Variants in UPRT observed in about 807,000 individuals in gnomAD.
The protein encoded by UPRT is RP11-311P8.3.
A neutral mutation model predicts 22.6 loss-of-function variants in UPRT; 5 were observed. The ratio of observed to expected loss-of-function variants is 0.22; its 90% confidence interval spans 0.12 to 0.47. The LOEUF (loss-of-function observed/expected upper bound fraction) is 0.47, where lower values mean the gene tolerates loss of function less well. UPRT is among the 20% of genes least tolerant of loss of function. The pLI is 0.99. For synonymous variants in UPRT, 77 were observed against 87.7 expected (o/e 0.88, Z 0.68); for missense variants, 181 against 239.9 (o/e 0.75, Z 1.62).
At chrX:75,216,173 C>G (rs1449062818) in intron 4 of UPRT, among the ~76,000 whole-genome samples, 1 of 112,082 alleles carries the variant, frequency 8.9e-6, no homozygotes, top group African/African-American at 3.2e-5. Flanking sequence ...ATGCCACAAT[C>G]AAGTGGTAAT....
intron 4 of UPRT, among the ~76,000 whole-genome samples, chrX:75,252,405 A>G (rs1478330099): frequency 1.8e-5 from 2 of 112,303 alleles, no homozygotes; most frequent in Non-Finnish European, 3.8e-5. Flanking sequence ...ACTTCTCAAA[A>G]GAAGACATTT....
intron 4 of UPRT, among the ~76,000 whole-genome samples, chrX:75,209,412 C>T (rs772923077): frequency 7.2e-5 from 8 of 110,925 alleles, no homozygotes; most frequent in Non-Finnish European, 1.3e-4. Flanking sequence ...TCGCTCTTGT[C>T]GCCCAGGCTG....
At position 75,264,121 on chromosome X, in the gene UPRT, G is replaced by A. The variant is rs1242814655; in HGVS notation, c.-446-26903G>A. Among the ~76,000 whole-genome samples, 4 of 111,610 alleles carry A rather than the reference G, an allele frequency of 3.6e-5. No homozygotes were observed. In the East Asian group the frequency reaches 1.1e-3, roughly 31 times the overall value. On this transcript the variant is annotated intron_variant, in intron 4 of 13. Coordinates refer to the UPRT transcript ENST00000652605. ...ATTCTGTTCTTTTACATTTGCTGAG[G>A]AGTGCTTTACTTCCAACTATGTGGT...
At chrX:75,190,579 A>G (rs2147617707) in intron 4 of UPRT, among the ~76,000 whole-genome samples, 1 of 112,043 alleles carries the variant, frequency 8.9e-6, no homozygotes, top group Admixed American at 9.4e-5. Context: ...GTGTTTTCCA[A>G]CTTGGTTCCA....
chrX:75,235,341 C>G (rs762081418), intron 4 of UPRT, among the ~76,000 whole-genome samples: 1 of 111,393 alleles, frequency 9.0e-6, no homozygotes, highest in South Asian at 3.8e-4. Flanking sequence ...GATTCACAGC[C>G]GAATTCTACC....
rs527473390 is a variant in UPRT at position 75,162,198 on chromosome X, C to T, written c.-614-934C>T. On this transcript the variant is annotated intron_variant, in intron 2 of 13. Coordinates refer to the UPRT transcript ENST00000652605. ...AACTCCTGACCTCAGGTGATCCACC[C>T]GCCTCAGCCTCCCAAAGTGCTGAGA... Among the ~76,000 whole-genome samples the T allele has an allele frequency of 1.5e-4, 16 of 108,311 alleles. No individual in the cohort carries two copies. The East Asian group carries it at 2.9e-3, about 20-fold the overall frequency. 94.1% of individuals were successfully genotyped at this position (108,311 alleles called of 115,157 possible).
chrX:75,157,427 C>A (rs1015497098), intron 1 of UPRT, among the ~76,000 whole-genome samples: 3 of 111,572 alleles, frequency 2.7e-5, no homozygotes, highest in African/African-American at 9.8e-5. Context: ...TGGAATTACA[C>A]GTAAAGAAGA....
At chrX:75,195,681 G>C (rs1402417788) in intron 4 of UPRT, among the ~76,000 whole-genome samples, 1 of 111,802 alleles carries the variant, frequency 8.9e-6, no homozygotes, top group Non-Finnish European at 1.9e-5. Flanking sequence ...GGAGTCACTG[G>C]GTACCAGGAA....
chrX:75,257,621 G>C (rs763299295), intron 4 of UPRT, among the ~76,000 whole-genome samples: 2 of 111,616 alleles, frequency 1.8e-5, no homozygotes, highest in African/African-American at 3.3e-5. Flanking sequence ...AAACCCTAAA[G>C]TTTCTCCAGA....
At chrX:75,186,684 T>C (rs1429764355) in intron 4 of UPRT, among the ~76,000 whole-genome samples, 1 of 112,043 alleles carries the variant, frequency 8.9e-6, no homozygotes, top group Non-Finnish European at 1.9e-5. Flanking sequence ...ACTAAGGACT[T>C]GCTTTATGAA....
intron 4 of UPRT, among the ~76,000 whole-genome samples, chrX:75,227,208 T>C (rs1327976753): frequency 9.0e-6 from 1 of 111,439 alleles, no homozygotes; most frequent in Non-Finnish European, 1.9e-5. Context: ...ATAAACAAAC[T>C]GGTGGTTTTC....
chrX:75,253,135 A>G (rs1569275085), intron 4 of UPRT, among the ~76,000 whole-genome samples: 1 of 111,537 alleles, frequency 9.0e-6, no homozygotes, highest in Non-Finnish European at 1.9e-5. Flanking sequence ...TGGCACATGT[A>G]TACATATTAA....
intron 4 of UPRT, among the ~76,000 whole-genome samples, chrX:75,231,837 A>T (rs1329766208): frequency 6.2e-5 from 7 of 112,231 alleles, no homozygotes; most frequent in Middle Eastern, 4.6e-3. Context: ...GTATCCAGTG[A>T]AATTAAGTTT....
intron 4 of UPRT, among the ~76,000 whole-genome samples, chrX:75,247,630 C>T (rs2082511589): frequency 8.9e-6 from 1 of 112,780 alleles, no homozygotes; most frequent in Admixed American, 9.3e-5. Flanking sequence ...CTGCCTGCCT[C>T]TATAGGCTCC....
intron 4 of UPRT, among the ~76,000 whole-genome samples, chrX:75,227,026 C>T (rs1264259407): frequency 1.8e-5 from 2 of 110,996 alleles, no homozygotes; most frequent in African/African-American, 6.5e-5. Context: ...GCAAATTGGG[C>T]ACAAACAAGC....
At position 75,157,685 on chromosome X, in the gene UPRT, A is replaced by G. The variant is rs1471763671; in HGVS notation, c.-737+1135A>G. ...TAAGTGAGAAGGTTGGATTGGACGG[A>G]GTTCATATTGAAGTCATGAAGTTAA... On this transcript the variant is annotated intron_variant, in intron 1 of 13. Coordinates refer to the UPRT transcript ENST00000652605. Among the ~76,000 whole-genome samples, 3 of 112,129 alleles carry G rather than the reference A, an allele frequency of 2.7e-5. No individual in the cohort carries two copies. The East Asian group carries it at 8.4e-4, about 31-fold the overall frequency.
At chrX:75,174,242 G>C (rs950876781) in intron 4 of UPRT, among the ~76,000 whole-genome samples, 2 of 111,867 alleles carry the variant, frequency 1.8e-5, no homozygotes, top group African/African-American at 6.5e-5. Context: ...TGCTGGGTAG[G>C]GGCAAAGAAG....
chrX:75,165,307 T>G (rs1327232990), intron 3 of UPRT, among the ~76,000 whole-genome samples: 1 of 112,006 alleles, frequency 8.9e-6, no homozygotes, highest in African/African-American at 3.2e-5. Context: ...GTTTAACCTT[T>G]ACTTATAAAC....
chrX:75,156,918 CACACACACAG>C lies in UPRT; in HGVS notation c.-737+370_-737+379del, dbSNP rs1461733622. ...ACAGTCTCACACACACACACACACACACACACACAGAGAGACTACAGACATCTTTACTAAT... is the reference window on the plus strand; with the variant it reads ...ACAGTCTCACACACACACACACACACAGAGACTACAGACATCTTTACTAAT... On this transcript the variant is annotated intron_variant, in intron 1 of 13. Transcript: ENST00000652605. 1.2e-4 allele frequency among the ~76,000 whole-genome samples: 13 copies of C among 109,006 alleles called. No individual in the cohort carries two copies. In the East Asian group the frequency reaches 3.8e-3, roughly 32 times the overall value. The allele number at this position is 109,006 out of a possible 115,157, so 94.7% of individuals were successfully genotyped here.
Sources: allele counts gnomAD v4.1 joint callset (sites outside exome capture counted in the v4.1 genomes callset), GRCh38; gene constraint gnomAD v4.1.1; transcripts MANE v1.5; gene names NCBI Gene and HGNC (gene_info 2026-07-23, HGNC 2026-07-21).